EIPR1: variants seen among roughly 807,000 people sequenced by gnomAD.
The protein encoded by EIPR1 is EARP complex and GARP complex interacting protein 1.
In EIPR1, 25 loss-of-function variants were observed where a neutral mutation model predicts 48.1. The ratio of observed to expected loss-of-function variants is 0.52; its 90% confidence interval spans 0.38 to 0.73. EIPR1 has a LOEUF of 0.73. Among genes scored for constraint, EIPR1 ranks in the 30% least tolerant of loss-of-function variants. EIPR1 has a pLI of 0.00. For synonymous variants in EIPR1, 204 were observed against 201.9 expected, an observed-to-expected ratio of 1.01 and a Z score of -0.09; for missense variants, 415 against 506.2, an observed-to-expected ratio of 0.82 and a Z score of 1.73.
intron 3 of EIPR1, chr2:3,274,267 T>G: frequency 1.3e-6 from 2 of 1,519,934 alleles, no homozygotes; most frequent in Non-Finnish European, 1.8e-6. Flanking sequence ...AGTACCATAA[T>G]TAAAAATATA....
intron 3 of EIPR1, among the ~76,000 whole-genome samples, chr2:3,294,933 G>T (rs1668497556): frequency 1.5e-5 from 1 of 64,888 alleles, no homozygotes; most frequent in African/African-American, 6.2e-5. Flanking sequence ...CCGCCATCCA[G>T]CCCATCCTCT....
intron 4 of EIPR1, among the ~76,000 whole-genome samples, chr2:3,228,847 T>C (rs1324541582): frequency 6.6e-6 from 1 of 152,164 alleles, no homozygotes; most frequent in African/African-American, 2.4e-5. Context: ...GGTGCCTGCT[T>C]CTTCTTTGCG....
chr2:3,218,331 C>T (rs1665721019), intron 4 of EIPR1, among the ~76,000 whole-genome samples: 1 of 151,212 alleles, frequency 6.6e-6, no homozygotes, highest in African/African-American at 2.4e-5. Flanking sequence ...CAGGTGCACA[C>T]CCAACACGGC....
intron 3 of EIPR1, among the ~76,000 whole-genome samples, chr2:3,269,263 G>A (rs111773642): frequency 2.3e-4 from 20 of 86,184 alleles, no homozygotes; most frequent in Admixed American, 4.1e-4. Context: ...ATCGCACTCA[G>A]TCATGGCACT....
intron 5 of EIPR1, among the ~76,000 whole-genome samples, chr2:3,212,329 G>A (rs1665484927): frequency 6.6e-6 from 1 of 152,182 alleles, no homozygotes; most frequent in South Asian, 2.1e-4. Flanking sequence ...AACGTGTGGG[G>A]TCTCCTTTCT....
intron 3 of EIPR1, among the ~76,000 whole-genome samples, chr2:3,292,858 GAA>G (rs57175137): frequency 8.3e-6 from 1 of 120,720 alleles, no homozygotes; most frequent in African/African-American, 3.0e-5. Context: ...AAAATGTTTT[GAA>G]AAAAAAAAAA....
intron 3 of EIPR1, among the ~76,000 whole-genome samples, chr2:3,288,949 G>A (rs539610628): frequency 2.6e-5 from 4 of 152,330 alleles, no homozygotes; most frequent in Middle Eastern, 3.4e-3. Flanking sequence ...GGCCCCCAGC[G>A]GAGCCCCACC....
Position 3,194,290 on chromosome 2 carries a change from C to G in EIPR1, c.654-124G>C. 5 of 1,233,162 alleles carry G rather than the reference C, an allele frequency of 4.1e-6. No individual in the cohort carries two copies. The South Asian group carries it at 7.2e-5, about 18-fold the overall frequency. 76.4% of individuals were successfully genotyped at this position (1,233,162 alleles called of 1,614,324 possible). ...ATCCCCCGGCCCAGGGTGCTCTCAT[C>G]CCCTCGGCGTTCCTGCCCTGCAGGA... On this transcript the variant is annotated intron_variant, in intron 6 of 8. Coordinates refer to ENST00000382125, the MANE Select transcript of EIPR1 (RefSeq NM_003310.5).
chr2:3,214,925 T>C (rs1438394597), intron 4 of EIPR1, among the ~76,000 whole-genome samples: 2 of 146,388 alleles, frequency 1.4e-5, no homozygotes, highest in South Asian at 2.3e-4. Flanking sequence ...ATTCATGCCT[T>C]TATAAGAAGA....
intron 5 of EIPR1, among the ~76,000 whole-genome samples, chr2:3,201,949 T>G (rs1263059261): frequency 6.6e-6 from 1 of 152,182 alleles, no homozygotes; most frequent in African/African-American, 2.4e-5. Context: ...TATTTATTTA[T>G]TTTTTGAGAC....
At chr2:3,196,739 T>G in intron 6 of EIPR1, 142 bp downstream of exon 6, 2 of 1,291,140 alleles carry the variant, frequency 1.5e-6, no homozygotes, top group Non-Finnish European at 2.1e-6. Flanking sequence ...AGATGAAGAT[T>G]TATGATTTCC....
chr2:3,196,805 C>G (rs575189325), intron 6 of EIPR1, 76 bp downstream of exon 6: 2 of 1,552,408 alleles, frequency 1.3e-6, no homozygotes, highest in Admixed American at 1.9e-5. Flanking sequence ...GGCTCACCAT[C>G]AGCTCCACCA....
intron 1 of EIPR1, among the ~76,000 whole-genome samples, chr2:3,365,741 G>A (rs1030800301): frequency 3.3e-5 from 5 of 150,920 alleles, no homozygotes; most frequent in Non-Finnish European, 7.4e-5. Flanking sequence ...ATCTTGCACC[G>A]CCCTTAATCC....
chr2:3,354,539 A>G lies in EIPR1; in HGVS notation c.126+11T>C. Reference sequence around the variant, plus strand: ...GTAATTATCATGTATACATTTGTCAAAAATAGTTACCTGATTATCATATTT... The same window carrying G: ...GTAATTATCATGTATACATTTGTCAGAAATAGTTACCTGATTATCATATTT... On this transcript the variant is annotated intron_variant, in intron 2 of 8. Coordinates refer to ENST00000382125, the MANE Select transcript of EIPR1 (RefSeq NM_003310.5). 6.2e-7 allele frequency: 1 copy of G among 1,612,966 alleles called. No homozygotes were observed. Among genetic ancestry groups the G allele is most frequent in the Non-Finnish European group, 8.5e-7 (1 of 1,179,090 alleles).
intron 4 of EIPR1, among the ~76,000 whole-genome samples, chr2:3,225,634 CCTT>C (rs1233604500): frequency 1.3e-5 from 2 of 152,152 alleles, no homozygotes; most frequent in Non-Finnish European, 2.9e-5. Flanking sequence ...TAGTTAACTC[CCTT>C]TTTTTTGTCA....
chr2:3,316,826 G>A (rs1022925183), intron 3 of EIPR1, among the ~76,000 whole-genome samples: 4 of 152,222 alleles, frequency 2.6e-5, no homozygotes, highest in African/African-American at 7.2e-5. Flanking sequence ...CCCCAGCCAC[G>A]CCAACCTCTT....
rs1466552012 is a variant in EIPR1, at chr2:3,269,331, A to G, written c.260-11876T>C. On this transcript the variant is annotated intron_variant, in intron 3 of 8. Transcript: ENST00000382125. The stretch of plus-strand genomic sequence containing the variant: ...TCGCACTCAGTCATCGCACTCAATC[A>G]TCATCACACTCAGTCATCGCACTCA... Among the ~76,000 whole-genome samples the G allele has an allele frequency of 1.0e-3, 106 of 101,056 alleles. 12 individuals carry two copies. Among genetic ancestry groups the G allele is most frequent in the Non-Finnish European group, 1.4e-3 (73 of 51,038 alleles). 66.3% of individuals were successfully genotyped at this position (101,056 alleles called of 152,430 possible).
rs139935994 is a variant in EIPR1, at chr2:3,196,968, G to A, written c.566C>T (p.Ser189Leu). 6.2e-5 allele frequency: 100 copies of A among 1,613,876 alleles called. No homozygotes were observed. The highest frequency in any genetic ancestry group is 8.3e-5 in the Admixed American group (5 of 60,010). The part of the protein sequence containing the change: ...LEGKGQLKFT[S>L]GRWSPHHNCT... ...GTTATGATGTGGGCTCCACCGTCCT[G>A]AGGTGAACTTCAGTTGTCCCTTCCC... is the stretch of plus-strand genomic sequence containing the variant. The change falls in exon 6 of 9, where the codon TCA becomes TTA. Residue 189 changes from serine to leucine, a missense_variant. Coordinates refer to ENST00000382125, the MANE Select transcript of EIPR1 (RefSeq NM_003310.5).
intron 5 of EIPR1, among the ~76,000 whole-genome samples, chr2:3,198,820 G>C (rs1664900143): frequency 6.6e-6 from 1 of 152,162 alleles, no homozygotes; most frequent in Admixed American, 6.5e-5. Flanking sequence ...GTCAGGGTGA[G>C]ATCACAAGGT....
Sources: allele counts gnomAD v4.1 joint callset (sites outside exome capture counted in the v4.1 genomes callset), GRCh38; gene constraint gnomAD v4.1.1; transcripts MANE v1.5; gene names NCBI Gene and HGNC (gene_info 2026-07-23, HGNC 2026-07-21).